TSG101: variants seen among roughly 807,000 people sequenced by gnomAD.
TSG101 encodes tumor susceptibility gene 101 protein.
A neutral mutation model predicts 48.5 loss-of-function variants in TSG101; 19 were observed. The ratio of observed to expected loss-of-function variants is 0.39; its 90% confidence interval spans 0.27 to 0.58. The LOEUF (loss-of-function observed/expected upper bound fraction) is 0.58. Among genes scored for constraint, TSG101 ranks in the 20% least tolerant of loss-of-function variants. The pLI is 0.55. For missense variants in TSG101, 365 were observed against 484.4 expected (o/e 0.75, Z 2.31); for synonymous variants, 174 against 169.4 (o/e 1.03, Z -0.21).
intron 7 of TSG101, chr11:18,490,419 T>C: frequency 1.7e-6 from 1 of 581,110 alleles, no homozygotes; most frequent in Non-Finnish European, 3.3e-6. Context: ...TTCAGTAGAG[T>C]TTAGAATCTC....
chr11:18,500,587 T>C (rs183187732), intron 7 of TSG101, among the ~76,000 whole-genome samples: 4 of 152,328 alleles, frequency 2.6e-5, no homozygotes, highest in Admixed American at 1.3e-4. Context: ...ATGAGTGATA[T>C]TGAGCATTTT....
chr11:18,483,716 TA>T, intron 8 of TSG101, 153 bp downstream of exon 8: 1 of 768,220 alleles, frequency 1.3e-6, no homozygotes, highest in Non-Finnish European at 2.1e-6. Context: ...GGCTCCACTG[TA>T]AACAAAGGTA....
At chr11:18,482,523 C>T (rs1339763033) in intron 8 of TSG101, among the ~76,000 whole-genome samples, 5 of 152,218 alleles carry the variant, frequency 3.3e-5, no homozygotes, top group Admixed American at 6.5e-5. Flanking sequence ...GGAATAAATT[C>T]TCCCTCATGG....
At chr11:18,483,746 T>A in intron 8 of TSG101, 124 bp downstream of exon 8, 1 of 979,200 alleles carries the variant, frequency 1.0e-6, no homozygotes, top group Non-Finnish European at 1.5e-6. Flanking sequence ...TACATTCAAA[T>A]GTTTAAAGAT....
At chr11:18,502,307 G>A (rs923962525) in intron 7 of TSG101, among the ~76,000 whole-genome samples, 179 bp downstream of exon 7, 28 of 152,136 alleles carry the variant, frequency 1.8e-4, no homozygotes, top group African/African-American at 6.3e-4. Flanking sequence ...TTCATGCCCT[G>A]GTAGAAGGTT....
At chr11:18,509,389 A>G (rs1036155710) in intron 5 of TSG101, among the ~76,000 whole-genome samples, 153 bp downstream of exon 5, 1 of 152,232 alleles carries the variant, frequency 6.6e-6, no homozygotes, top group Non-Finnish European at 1.5e-5. Context: ...GAATCTGTAC[A>G]TGCAGATGTG....
At chr11:18,522,266 T>C (rs565021350) in intron 1 of TSG101, among the ~76,000 whole-genome samples, 2 of 152,338 alleles carry the variant, frequency 1.3e-5, no homozygotes, top group African/African-American at 4.8e-5. Flanking sequence ...CAATTTGACA[T>C]TTCCCTTGGA....
chr11:18,499,252 T>TA (rs1385124775), intron 7 of TSG101, among the ~76,000 whole-genome samples: 2 of 135,460 alleles, frequency 1.5e-5, no homozygotes, highest in African/African-American at 5.6e-5. Context: ...TATATTTATA[T>TA]ATTATATATA....
Position 18,502,563 on chromosome 11 carries a change from C to G in TSG101, c.563G>C (p.Cys188Ser), listed in dbSNP as rs1163080649. The change falls in exon 7 of 10, where the codon TGT becomes TCT. Residue 188 changes from cysteine to serine, a missense_variant. Physicochemically the swap from Cys to Ser is moderately radical, Grantham distance 112. Transcript: ENST00000251968. ...YPPNPSGYPG[C>S]PYPPGGPYPA... ...ATATGGACCACCAGGTGGGTAAGGA[C>G]AGCCTGGGTAACCACTAAAGACAAG... 3 of 1,612,430 alleles carry G rather than the reference C, an allele frequency of 1.9e-6. No individual in the cohort carries two copies. Among genetic ancestry groups the G allele is most frequent in the South Asian group, 2.2e-5 (2 of 90,882 alleles).
intron 6 of TSG101, among the ~76,000 whole-genome samples, chr11:18,503,724 C>T (rs1426904893): frequency 6.6e-6 from 1 of 152,106 alleles, no homozygotes; most frequent in African/African-American, 2.4e-5. Flanking sequence ...ATTTTCAGAT[C>T]TAATTGCTTT....
chr11:18,523,108 G>C (rs905141324), intron 1 of TSG101, among the ~76,000 whole-genome samples: 1 of 152,104 alleles, frequency 6.6e-6, no homozygotes, highest in Admixed American at 6.6e-5. Flanking sequence ...TGCCCAGGCT[G>C]GTCTGGAACT....
intron 4 of TSG101, among the ~76,000 whole-genome samples, chr11:18,512,721 A>G (rs989994558): frequency 5.5e-5 from 6 of 109,946 alleles, no homozygotes; most frequent in Non-Finnish European, 9.5e-5. Context: ...AAGGACAGAC[A>G]GATTTTTTTT....
chr11:18,492,298 C>G (rs552971839), intron 7 of TSG101, among the ~76,000 whole-genome samples: 1 of 152,180 alleles, frequency 6.6e-6, no homozygotes, highest in South Asian at 2.1e-4. Context: ...CAATCACATG[C>G]AACAGTGGTG....
At chr11:18,504,016 C>A (rs1021720188) in intron 6 of TSG101, among the ~76,000 whole-genome samples, 2 of 151,932 alleles carry the variant, frequency 1.3e-5, no homozygotes, top group African/African-American at 4.8e-5. Context: ...CAAGCCTAGA[C>A]AACATGGCGA....
chr11:18,526,931 C>T lies in TSG101; in HGVS notation c.-115G>A. ...AACCCGGCCTCAAACAACAGGAAGT[C>T]GGCACCACTACACCACTTCCGCTTC... On this transcript the variant is annotated 5_prime_UTR_variant, in exon 1 of 10. Transcript: ENST00000251968. The T allele has an allele frequency of 8.7e-7, 1 of 1,151,496 alleles. No homozygotes were observed. Among genetic ancestry groups the T allele is most frequent in the Non-Finnish European group, 1.2e-6 (1 of 810,958 alleles). 71.3% of individuals were successfully genotyped at this position (1,151,496 alleles called of 1,614,324 possible). A position where few individuals can be genotyped will look rare whatever the true frequency, so the allele number is the denominator to read the frequency against.
At chr11:18,489,430 G>C (rs1293382876) in intron 7 of TSG101, among the ~76,000 whole-genome samples, 4 of 152,098 alleles carry the variant, frequency 2.6e-5, no homozygotes, top group Non-Finnish European at 4.4e-5. Context: ...TATTATCCAG[G>C]AAACAGATAA....
At chr11:18,489,030 G>A (rs565820029) in intron 7 of TSG101, among the ~76,000 whole-genome samples, 70 of 151,838 alleles carry the variant, frequency 4.6e-4, no homozygotes, top group African/African-American at 1.5e-3. Flanking sequence ...CAGGAGAATC[G>A]CTGGAACCCG....
chr11:18,511,024 T>A (rs545406207), intron 4 of TSG101: 1 of 152,386 alleles, frequency 6.6e-6, no homozygotes, highest in South Asian at 2.1e-4. Flanking sequence ...AATGGCTTAT[T>A]TGATTATTCT....
intron 2 of TSG101, among the ~76,000 whole-genome samples, chr11:18,518,406 T>C (rs994972208): frequency 3.3e-5 from 5 of 152,182 alleles, no homozygotes; most frequent in Admixed American, 2.6e-4. Context: ...GGACTCACAA[T>C]GGACAAGCAG....
Sources: allele counts gnomAD v4.1 joint callset (sites outside exome capture counted in the v4.1 genomes callset), GRCh38; gene constraint gnomAD v4.1.1; transcripts MANE v1.5; gene names NCBI Gene and HGNC (gene_info 2026-07-23, HGNC 2026-07-21).